ST18: variants seen among roughly 807,000 people sequenced by gnomAD.
The protein encoded by ST18 is suppression of tumorigenicity 18 protein.
Under a neutral mutation model 110.0 loss-of-function variants are expected in ST18, and 50 were observed. That is an observed-to-expected ratio of 0.45 (90% confidence interval 0.36 to 0.58). The LOEUF (loss-of-function observed/expected upper bound fraction) is 0.58. ST18 is among the 20% of genes least tolerant of loss of function. The probability of loss-of-function intolerance (pLI) is 0.00; values close to 1 mark genes in which losing one functional copy is unlikely to be tolerated. For missense variants in ST18, 1,306 were observed against 1,280.1 expected, an observed-to-expected ratio of 1.02 and a Z score of -0.31; for synonymous variants, 461 against 452.4, an observed-to-expected ratio of 1.02 and a Z score of -0.24.
Position 52,274,732 on chromosome 8 carries a change from C to T in ST18, c.-464-44655G>A, listed in dbSNP as rs1037518281. ...CAAATCAATTTTCAAGGAACCATCA[C>T]GTTAATAAGTAACAACCCAATTTTT... On this transcript the variant is annotated intron_variant, in intron 2 of 25. Transcript: ENST00000689386. Among the ~76,000 whole-genome samples the T allele has an allele frequency of 4.6e-5, 7 of 152,272 alleles. No homozygotes were observed. The South Asian group carries it at 6.2e-4, about 14-fold the overall frequency.
At chr8:52,387,753 T>C (rs952010120) in intron 2 of ST18, among the ~76,000 whole-genome samples, 1 of 152,170 alleles carries the variant, frequency 6.6e-6, no homozygotes, top group Non-Finnish European at 1.5e-5. Flanking sequence ...CTGCCAGGAA[T>C]GTCTGGATAG....
At chr8:52,240,700 A>C (rs910709709) in intron 2 of ST18, among the ~76,000 whole-genome samples, 1 of 152,062 alleles carries the variant, frequency 6.6e-6, no homozygotes, top group Non-Finnish European at 1.5e-5. Context: ...ATATTCCCAG[A>C]GATTTCCTTT....
chr8:52,209,468 C>A lies in ST18; in HGVS notation c.86+2611G>T, dbSNP rs114200855. 5.0e-3 allele frequency among the ~76,000 whole-genome samples: 756 copies of A among 152,116 alleles called. 10 individuals are homozygous for A. The highest frequency in any genetic ancestry group is 0.017 in the African/African-American group (720 of 41,512). On this transcript the variant is annotated intron_variant, in intron 8 of 25. Coordinates refer to ENST00000689386, the MANE Select transcript of ST18 (RefSeq NM_001352837.2). ...GCTCAAGAGTGTCTGGCACATAGGA[C>A]CCCAATAAATATTAGTTTATTGACT...
At chr8:52,396,634 A>G (rs977332831) in intron 2 of ST18, among the ~76,000 whole-genome samples, 5 of 152,160 alleles carry the variant, frequency 3.3e-5, no homozygotes, top group Admixed American at 2.0e-4. Flanking sequence ...CCTTTTTCAC[A>G]AGGTGGCAGG....
intron 2 of ST18, among the ~76,000 whole-genome samples, chr8:52,274,368 A>G (rs909234766): frequency 6.6e-6 from 1 of 152,178 alleles, no homozygotes; most frequent in African/African-American, 2.4e-5. Context: ...ATATACATAT[A>G]TATGTTAAAT....
intron 8 of ST18, among the ~76,000 whole-genome samples, chr8:52,191,499 G>C (rs1411910237): frequency 6.6e-6 from 1 of 152,166 alleles, no homozygotes. Context: ...AGGCAGCCCA[G>C]ACCTGTGACA....
intron 2 of ST18, chr8:52,406,638 T>G (rs1844614953): frequency 6.6e-6 from 1 of 152,278 alleles, no homozygotes; most frequent in South Asian, 2.1e-4. Context: ...GCTGAGGTCT[T>G]AACATCCAAG....
At chr8:52,276,676 T>C (rs1188830546) in intron 2 of ST18, among the ~76,000 whole-genome samples, 2 of 151,934 alleles carry the variant, frequency 1.3e-5, no homozygotes, top group Non-Finnish European at 2.9e-5. Context: ...ACCAAGTCCA[T>C]GCCTTTAACT....
Position 52,180,178 on chromosome 8 carries a change from C to T in ST18, c.221G>A (p.Arg74His), listed in dbSNP as rs375590208. 53 of 1,613,956 alleles carry T rather than the reference C, an allele frequency of 3.3e-5. No individual in the cohort carries two copies. The highest frequency in any genetic ancestry group is 1.1e-4 in the East Asian group (5 of 44,874). ...YSPKADCQED[R>H]SDRTEDDGPL... ...GCCATCGTCCTCTGTCCTGTCACTG[C>T]GGTCTTCTTGGCAGTCTGCTTTTGG... The change falls in exon 9 of 26, where the codon CGC becomes CAC. Residue 74 changes from arginine (R) to histidine (H), a missense_variant. Physicochemically the swap from Arg to His is conservative, Grantham distance 29. Transcript: ENST00000689386.
intron 2 of ST18, among the ~76,000 whole-genome samples, chr8:52,323,046 G>C (rs1024701081): frequency 1.3e-5 from 2 of 152,182 alleles, no homozygotes; most frequent in African/African-American, 4.8e-5. Flanking sequence ...GGTTTCCTTG[G>C]ACCTAGCTCC....
intron 2 of ST18, among the ~76,000 whole-genome samples, chr8:52,367,347 G>A (rs1317947719): frequency 6.6e-6 from 1 of 151,512 alleles, no homozygotes; most frequent in Admixed American, 6.6e-5. Context: ...GCTTGAACCC[G>A]GGAGGCGGAG....
chr8:52,205,170 A>G (rs1481948450), intron 8 of ST18, among the ~76,000 whole-genome samples: 1 of 150,072 alleles, frequency 6.7e-6, no homozygotes, highest in African/African-American at 2.4e-5. Flanking sequence ...TATATTATGT[A>G]CTATGTAATT....
Position 52,130,119 on chromosome 8 carries a change from A to AAAGAAAGAAAGAAAAG in ST18, c.2666+1838_2666+1839insCTTTTCTTTCTTTCTT, listed in dbSNP as rs67888949. Among the ~76,000 whole-genome samples, 384 of 105,226 alleles carry AAAGAAAGAAAGAAAAG rather than the reference A, an allele frequency of 3.6e-3. 4 individuals carry two copies. Among genetic ancestry groups the AAAGAAAGAAAGAAAAG allele is most frequent in the East Asian group, 0.021 (76 of 3,550 alleles). The allele number at this position is 105,226 out of a possible 152,430, so 69.0% of individuals were successfully genotyped here. A position where few individuals can be genotyped will look rare whatever the true frequency, so the allele number is the denominator to read the frequency against. ...AAAAGAAAGAAAGAAAGAAAGAAAG[A>AAAGAAAGAAAGAAAAG]AAAGAAAGAAAGAAAGAAAGAAAGA... On this transcript the variant is annotated intron_variant, in intron 22 of 25. Coordinates refer to ENST00000689386, the MANE Select transcript of ST18 (RefSeq NM_001352837.2).
At chr8:52,215,164 C>A (rs2083678115) in intron 6 of ST18, among the ~76,000 whole-genome samples, 1 of 152,142 alleles carries the variant, frequency 6.6e-6, no homozygotes, top group African/African-American at 2.4e-5. Context: ...TGTGGTGTGA[C>A]TGCAATGGTA....
intron 2 of ST18, among the ~76,000 whole-genome samples, chr8:52,288,998 A>G (rs1321969875): frequency 1.3e-5 from 2 of 152,138 alleles, no homozygotes; most frequent in African/African-American, 4.8e-5. Context: ...CCATTTTCCT[A>G]CATGACCATC....
intron 2 of ST18, among the ~76,000 whole-genome samples, chr8:52,293,929 A>G (rs1174171435): frequency 2.0e-5 from 3 of 152,196 alleles, no homozygotes; most frequent in Admixed American, 1.3e-4. Context: ...AGATGATTTC[A>G]TTTAAGTTCA....
intron 2 of ST18, among the ~76,000 whole-genome samples, chr8:52,269,549 A>G (rs1247433926): frequency 6.6e-6 from 1 of 152,182 alleles, no homozygotes; most frequent in Non-Finnish European, 1.5e-5. Flanking sequence ...GGGTGACTCC[A>G]TGCAACCAGA....
intron 2 of ST18, among the ~76,000 whole-genome samples, chr8:52,376,763 G>A (rs980507729): frequency 2.0e-5 from 3 of 152,166 alleles, no homozygotes; most frequent in Non-Finnish European, 4.4e-5. Context: ...ACAGGATGGG[G>A]AAGTCCAGGT....
chr8:52,330,103 A>G (rs1411700012), intron 2 of ST18, among the ~76,000 whole-genome samples: 1 of 152,146 alleles, frequency 6.6e-6, no homozygotes, highest in Non-Finnish European at 1.5e-5. Context: ...TAAGATATTC[A>G]TTTGCCCTAG....
Sources: gnomAD v4.1 joint callset for allele counts (sites outside exome capture counted in the v4.1 genomes callset) on GRCh38, gnomAD v4.1.1 for gene constraint, MANE v1.5 for transcripts, NCBI Gene and HGNC (gene_info 2026-07-23, HGNC 2026-07-21) for gene names.